Variants in PLCB1 observed in about 807,000 individuals in gnomAD.
The protein encoded by PLCB1 is 1-phosphatidylinositol 4,5-bisphosphate phosphodiesterase beta-1.
A neutral mutation model predicts 161.8 loss-of-function variants in PLCB1; 46 were observed. The observed-to-expected ratio is 0.28, with a 90% CI of 0.22 to 0.36. The LOEUF (loss-of-function observed/expected upper bound fraction) is 0.36, where lower values mean the gene tolerates loss of function less well. Ranked by LOEUF, PLCB1 falls within the 10% of genes least tolerant of loss-of-function variation. The pLI is 1.00. For synonymous variants in PLCB1, 517 were observed against 503.7 expected, an observed-to-expected ratio of 1.03 and a Z score of -0.35; for missense variants, 1,016 against 1,472.5, an observed-to-expected ratio of 0.69 and a Z score of 5.07.
chr20:8,241,792 A>G (rs1486677968), intron 2 of PLCB1, among the ~76,000 whole-genome samples: 2 of 152,006 alleles, frequency 1.3e-5, no homozygotes, highest in Non-Finnish European at 2.9e-5. Flanking sequence ...ATCAGTGAAC[A>G]CTGGAGCAAA....
chr20:8,179,061 G>A (rs1056469820), intron 2 of PLCB1, among the ~76,000 whole-genome samples: 13 of 152,142 alleles, frequency 8.5e-5, no homozygotes, highest in Non-Finnish European at 1.5e-4. Flanking sequence ...TTGAAGTCAG[G>A]TAATGTGATG....
intron 2 of PLCB1, among the ~76,000 whole-genome samples, chr20:8,269,483 A>G (rs1982165293): frequency 6.6e-6 from 1 of 152,212 alleles, no homozygotes; most frequent in Non-Finnish European, 1.5e-5. Context: ...CAAGGGCTAC[A>G]GATATGCTAT....
chr20:8,775,953 A>C (rs1449907696), intron 27 of PLCB1, among the ~76,000 whole-genome samples: 1 of 152,206 alleles, frequency 6.6e-6, no homozygotes, highest in East Asian at 1.9e-4. Flanking sequence ...GAAAGCAGTG[A>C]AAGAATGGCT....
intron 3 of PLCB1, among the ~76,000 whole-genome samples, chr20:8,609,505 C>A (rs1171833660): frequency 6.6e-6 from 1 of 152,202 alleles, no homozygotes; most frequent in Non-Finnish European, 1.5e-5. Flanking sequence ...ACGCATCTAT[C>A]TAGTCAGTCT....
At chr20:8,769,375 C>A (rs915410394) in intron 26 of PLCB1, among the ~76,000 whole-genome samples, 6 of 150,472 alleles carry the variant, frequency 4.0e-5, no homozygotes, top group African/African-American at 1.5e-4. Flanking sequence ...AGTTCTATTT[C>A]TATATATATA....
At chr20:8,186,076 C>T (rs1176716218) in intron 2 of PLCB1, among the ~76,000 whole-genome samples, 3 of 152,076 alleles carry the variant, frequency 2.0e-5, no homozygotes, top group Admixed American at 2.0e-4. Flanking sequence ...CCCTATACTT[C>T]GCTTTTGTTT....
At chr20:8,360,478 C>T (rs531443377) in intron 2 of PLCB1, among the ~76,000 whole-genome samples, 65 of 152,150 alleles carry the variant, frequency 4.3e-4, no homozygotes, top group African/African-American at 1.6e-3. Flanking sequence ...CAGCTAGCTT[C>T]GTTTTGTGTA....
intron 2 of PLCB1, among the ~76,000 whole-genome samples, chr20:8,233,503 T>A (rs1349650293): frequency 6.6e-6 from 1 of 152,164 alleles, no homozygotes; most frequent in Non-Finnish European, 1.5e-5. Context: ...TCTTTAGAAA[T>A]TGATAACTTG....
chr20:8,285,309 T>G (rs1600286952), intron 2 of PLCB1, among the ~76,000 whole-genome samples: 1 of 150,430 alleles, frequency 6.6e-6, no homozygotes, highest in Non-Finnish European at 1.5e-5. Flanking sequence ...TACATATACA[T>G]CACAGTATCT....
chr20:8,244,988 G>A (rs1475828189), intron 2 of PLCB1, among the ~76,000 whole-genome samples: 2 of 151,280 alleles, frequency 1.3e-5, no homozygotes, highest in Non-Finnish European at 3.0e-5. Flanking sequence ...TTTGGAGGGG[G>A]GGATGTATGA....
chr20:8,837,283 G>A (rs1157410365), intron 31 of PLCB1, among the ~76,000 whole-genome samples: 3 of 152,034 alleles, frequency 2.0e-5, no homozygotes, highest in East Asian at 1.9e-4. Context: ...TAAAGGTGAC[G>A]TACAAAGTGC....
intron 3 of PLCB1, among the ~76,000 whole-genome samples, chr20:8,481,945 T>C (rs2122746340): frequency 6.6e-6 from 1 of 152,076 alleles, no homozygotes. Flanking sequence ...ATGATAACTT[T>C]CAGGATTCGA....
At chr20:8,380,390 A>T (rs1028170735) in intron 3 of PLCB1, among the ~76,000 whole-genome samples, 3 of 152,172 alleles carry the variant, frequency 2.0e-5, no homozygotes, top group Non-Finnish European at 2.9e-5. Context: ...TGATGCCTCC[A>T]GCTTTGTTCT....
chr20:8,700,816 A>C (rs1208989944), intron 11 of PLCB1, among the ~76,000 whole-genome samples: 1 of 152,188 alleles, frequency 6.6e-6, no homozygotes, highest in Non-Finnish European at 1.5e-5. Flanking sequence ...TTTTCCAGCT[A>C]TTCCTCCTGC....
At chr20:8,210,296 TG>T (rs753078796) in intron 2 of PLCB1, among the ~76,000 whole-genome samples, 33 of 152,244 alleles carry the variant, frequency 2.2e-4, no homozygotes, top group Non-Finnish European at 4.6e-4. Flanking sequence ...CATAAATAAA[TG>T]GGTGGTAATG....
At chr20:8,340,413 G>GT (rs968575793) in intron 2 of PLCB1, among the ~76,000 whole-genome samples, 22 of 151,528 alleles carry the variant, frequency 1.5e-4, no homozygotes, top group African/African-American at 2.2e-4. Flanking sequence ...TTAAATTCTA[G>GT]TTTTTTTTTG....
At chr20:8,802,129 C>G (rs138434221) in intron 31 of PLCB1, 71 of 1,612,704 alleles carry the variant, frequency 4.4e-5, no homozygotes, top group Middle Eastern at 1.6e-4. Context: ...TTTACTCCCC[C>G]CAACCCTCAA....
At chr20:8,318,954 T>C (rs941022762) in intron 2 of PLCB1, among the ~76,000 whole-genome samples, 1 of 152,166 alleles carries the variant, frequency 6.6e-6, no homozygotes, top group African/African-American at 2.4e-5. Context: ...TGATATCTTT[T>C]TACCAGCCCT....
At chr20:8,838,263 A>G (rs964867132) in intron 31 of PLCB1, among the ~76,000 whole-genome samples, 1 of 152,100 alleles carries the variant, frequency 6.6e-6, no homozygotes, top group Non-Finnish European at 1.5e-5. Flanking sequence ...TCCTTCTCCA[A>G]ATGGACCTAT....
Sources: gnomAD v4.1 joint callset for allele counts (sites outside exome capture counted in the v4.1 genomes callset) on GRCh38, gnomAD v4.1.1 for gene constraint, MANE v1.5 for transcripts, NCBI Gene and HGNC (gene_info 2026-07-23, HGNC 2026-07-21) for gene names.